Variants in SATB2 observed in about 807,000 individuals in gnomAD.
SATB2 encodes DNA-binding protein SATB2.
Under a neutral mutation model 73.4 loss-of-function variants are expected in SATB2, and 1 was observed. The observed-to-expected ratio is 0.01, with a 90% CI of 0.00 to 0.06. The LOEUF (loss-of-function observed/expected upper bound fraction) is 0.06, where lower values mean the gene tolerates loss of function less well. Among genes scored for constraint, SATB2 ranks in the 10% least tolerant of loss-of-function variants. The pLI is 1.00. For synonymous variants in SATB2, 397 were observed against 367.0 expected, an observed-to-expected ratio of 1.08 and a Z score of -0.93; for missense variants, 459 against 945.8, an observed-to-expected ratio of 0.49 and a Z score of 6.75.
At chr2:199,283,292 G>A (rs1380842619) in intron 10 of SATB2, among the ~76,000 whole-genome samples, 7 of 142,624 alleles carry the variant, frequency 4.9e-5, no homozygotes, top group South Asian at 2.2e-4. Flanking sequence ...GGGTTTCATC[G>A]TATTAGCCAG....
At chr2:199,430,610 T>TTTA (rs1358297420) in intron 3 of SATB2, among the ~76,000 whole-genome samples, 2 of 152,210 alleles carry the variant, frequency 1.3e-5, no homozygotes, top group Admixed American at 1.3e-4. Context: ...TAAAGGTTAT[T>TTTA]TTAACACAGG....
At chr2:199,282,247 T>C (rs1692546539) in intron 10 of SATB2, among the ~76,000 whole-genome samples, 2 of 152,224 alleles carry the variant, frequency 1.3e-5, no homozygotes, top group South Asian at 4.1e-4. Context: ...TTATTACTTT[T>C]CTTGCTATTA....
chr2:199,415,971 G>T (rs1186371031), intron 3 of SATB2, among the ~76,000 whole-genome samples: 1 of 152,172 alleles, frequency 6.6e-6, no homozygotes, highest in Non-Finnish European at 1.5e-5. Flanking sequence ...TGCCCTCACT[G>T]CCACTGCCAC....
In SATB2 at chr2:199,340,604, C is replaced by A. The variant is rs529885901; in HGVS notation, c.1173+8097G>T. Among the ~76,000 whole-genome samples the A allele has an allele frequency of 1.8e-3, 276 of 152,202 alleles. 1 individual carries two copies. Among genetic ancestry groups the A allele is most frequent in the Non-Finnish European group, 3.0e-3 (205 of 68,020 alleles). ...ATGATGTGCTAGAGGCAGAAAAAAA[C>A]CCCATACAACATAAATAATGAGTAT... On this transcript the variant is annotated intron_variant, in intron 7 of 10. Coordinates refer to ENST00000417098, the MANE Select transcript of SATB2 (RefSeq NM_001172509.2).
intron 6 of SATB2, among the ~76,000 whole-genome samples, chr2:199,359,383 T>C (rs1413342432): frequency 6.6e-6 from 1 of 152,216 alleles, no homozygotes; most frequent in Non-Finnish European, 1.5e-5. Flanking sequence ...TTCAACTGAA[T>C]TGACTACTGT....
intron 6 of SATB2, among the ~76,000 whole-genome samples, chr2:199,358,875 A>T (rs1393150276): frequency 6.6e-6 from 1 of 152,160 alleles, no homozygotes; most frequent in Non-Finnish European, 1.5e-5. Context: ...CACCCTCTGT[A>T]CCAGAACACT....
intron 2 of SATB2, among the ~76,000 whole-genome samples, chr2:199,440,183 T>C (rs1304844358): frequency 1.3e-5 from 2 of 152,166 alleles, no homozygotes; most frequent in Non-Finnish European, 2.9e-5. Flanking sequence ...AATAGGGTGT[T>C]TCTCACCTCC....
At chr2:199,384,534 C>CT (rs1423887341) in intron 3 of SATB2, among the ~76,000 whole-genome samples, 1 of 152,184 alleles carries the variant, frequency 6.6e-6, no homozygotes, top group Non-Finnish European at 1.5e-5. Context: ...CAAATACATT[C>CT]TTTAGAACAG....
At chr2:199,386,790 A>G (rs572393950) in intron 3 of SATB2, among the ~76,000 whole-genome samples, 5 of 151,668 alleles carry the variant, frequency 3.3e-5, no homozygotes, top group Non-Finnish European at 7.4e-5. Context: ...CCAGGAACAT[A>G]GTAGATGCTA....
intron 9 of SATB2, among the ~76,000 whole-genome samples, chr2:199,316,719 A>C (rs1559157827): frequency 6.6e-6 from 1 of 152,062 alleles, no homozygotes; most frequent in Non-Finnish European, 1.5e-5. Flanking sequence ...CTTAGCATAC[A>C]CGGAATATGC....
intron 3 of SATB2, among the ~76,000 whole-genome samples, chr2:199,404,379 A>G (rs944834181): frequency 2.6e-5 from 4 of 152,232 alleles, no homozygotes; most frequent in African/African-American, 4.8e-5. Context: ...TGATATAACC[A>G]ATAACTCTCA....
chr2:199,448,095 C>T (rs1020613890), intron 2 of SATB2, among the ~76,000 whole-genome samples: 2 of 152,100 alleles, frequency 1.3e-5, no homozygotes, highest in African/African-American at 2.4e-5. Flanking sequence ...TGGATTATGA[C>T]AAAAGAAAGT....
intron 3 of SATB2, among the ~76,000 whole-genome samples, chr2:199,425,224 T>A (rs1158464075): frequency 6.6e-6 from 1 of 152,246 alleles, no homozygotes; most frequent in East Asian, 1.9e-4. Flanking sequence ...GTTGTATATA[T>A]CTGTAGGTCA....
upstream of SATB2, among the ~76,000 whole-genome samples, chr2:199,465,820 A>G (rs968224655): frequency 1.3e-5 from 2 of 152,246 alleles, no homozygotes; most frequent in African/African-American, 4.8e-5. Context: ...TTCCTTATCA[A>G]TGTTAGCCTA....
At chr2:199,349,550 T>C (rs3828186) in intron 6 of SATB2, among the ~76,000 whole-genome samples, 12,707 of 152,270 alleles carry the variant, frequency 0.083, 596 homozygotes, top group East Asian at 0.15. Flanking sequence ...TTCTGTAGTA[T>C]GTAGTTAATG....
chr2:199,375,194 C>A (rs543086056), intron 5 of SATB2, among the ~76,000 whole-genome samples: 19 of 152,212 alleles, frequency 1.2e-4, no homozygotes, highest in African/African-American at 4.6e-4. Context: ...AAGATGCAAT[C>A]ATAAGGTTTT....
intron 9 of SATB2, among the ~76,000 whole-genome samples, chr2:199,314,421 T>C (rs1160368711): frequency 3.3e-5 from 5 of 151,418 alleles, no homozygotes; most frequent in Non-Finnish European, 5.9e-5. Flanking sequence ...CTATCTCTAA[T>C]GCATGAATAC....
intron 3 of SATB2, among the ~76,000 whole-genome samples, chr2:199,421,057 C>T (rs1244935440): frequency 6.6e-6 from 1 of 151,956 alleles, no homozygotes; most frequent in Admixed American, 6.6e-5. Context: ...GAGAACGATC[C>T]CAGTATCTGA....
intron 10 of SATB2, among the ~76,000 whole-genome samples, chr2:199,301,403 T>G (rs1559150266): frequency 6.6e-6 from 1 of 152,188 alleles, no homozygotes; most frequent in African/African-American, 2.4e-5. Flanking sequence ...GGCCCTAACT[T>G]TCCAGCCCAA....
Sources: allele counts gnomAD v4.1 joint callset (sites outside exome capture counted in the v4.1 genomes callset), GRCh38; gene constraint gnomAD v4.1.1; transcripts MANE v1.5; gene names NCBI Gene and HGNC (gene_info 2026-07-23, HGNC 2026-07-21).